The following KMT2C variants were observed in gnomAD, a reference collection of about 807,000 sequenced individuals.
KMT2C encodes histone-lysine N-methyltransferase 2C.
KMT2C carries 88 observed loss-of-function variants against 507.9 expected under a neutral mutation model. That is an observed-to-expected ratio of 0.17 (90% CI 0.15 to 0.21). The LOEUF (loss-of-function observed/expected upper bound fraction) is 0.21, where lower values mean the gene tolerates loss of function less well. KMT2C is among the 10% of genes least tolerant of loss of function. KMT2C has a pLI of 1.00. For synonymous variants in KMT2C, 2,049 were observed against 2,080.8 expected (o/e 0.98, Z 0.42); for missense variants, 4,954 against 5,957.8 (o/e 0.83, Z 5.55).
At chr7:152,227,701 C>G (rs4024406) in intron 18 of KMT2C, among the ~76,000 whole-genome samples, 2 of 152,236 alleles carry the variant, frequency 1.3e-5, no homozygotes, top group African/African-American at 4.8e-5. Context: ...GAAGCAATAA[C>G]GACTAAGAGC....
chr7:152,312,632 T>A (rs1474895562), intron 4 of KMT2C, among the ~76,000 whole-genome samples: 1 of 152,248 alleles, frequency 6.6e-6, no homozygotes, highest in East Asian at 1.9e-4. Flanking sequence ...GAAGATAGTA[T>A]AACAGCAAAA....
At chr7:152,203,844 A>T (rs1488541679) in intron 25 of KMT2C, among the ~76,000 whole-genome samples, 1 of 152,208 alleles carries the variant, frequency 6.6e-6, no homozygotes, top group Non-Finnish European at 1.5e-5. Flanking sequence ...AGGCACCAGT[A>T]ACCTAGCCAG....
At chr7:152,294,090 C>T (rs984912040) in intron 6 of KMT2C, among the ~76,000 whole-genome samples, 7 of 150,226 alleles carry the variant, frequency 4.7e-5, no homozygotes, top group African/African-American at 1.5e-4. Context: ...AGGCTGGTCT[C>T]GAACTTGTAG....
rs1458072384 is a variant in KMT2C at position 152,181,045 on chromosome 7, C to T, written c.6815G>A (p.Cys2272Tyr). The change falls in exon 36 of 59, where the codon TGT becomes TAT. Residue 2272 changes from cysteine (C) to tyrosine (Y), a missense_variant. Cys to Tyr is a radical substitution (Grantham distance 194). Around this residue, in one of 29 missense-constraint regions of KMT2C, gnomAD observed 1,689 missense variants for 1,654.3 expected, o/e 1.02. Transcript: ENST00000262189. ...PGPLVRPPDT[C>Y]SQTPRPPGPG... ...TCCAGGGGGCCTAGGTGTCTGGGAA[C>T]ATGTATCAGGTGGCCTTACCAACGG... 6.2e-7 allele frequency: 1 copy of T among 1,614,030 alleles called. No individual in the cohort carries two copies. The highest frequency in any genetic ancestry group is 1.7e-5 in the Admixed American group (1 of 59,992).
At chr7:152,270,369 G>A (rs924666437) in intron 7 of KMT2C, among the ~76,000 whole-genome samples, 2 of 152,192 alleles carry the variant, frequency 1.3e-5, no homozygotes, top group Non-Finnish European at 2.9e-5. Flanking sequence ...GCTAAATGAT[G>A]AGTAAATACA....
intron 23 of KMT2C, among the ~76,000 whole-genome samples, chr7:152,215,309 T>C (rs10242004): frequency 0.11 from 16,966 of 151,232 alleles, 2,186 homozygotes; most frequent in African/African-American, 0.31. Flanking sequence ...TTCAGGAGAT[T>C]GAGACCAACC....
intron 44 of KMT2C, chr7:152,157,682 C>CA: frequency 2.1e-6 from 2 of 940,528 alleles, no homozygotes; most frequent in South Asian, 4.9e-5. Context: ...AAACTAAATA[C>CA]AAAAATAAGA....
At chr7:152,278,210 T>A (rs1397541242) in intron 6 of KMT2C, among the ~76,000 whole-genome samples, 1 of 152,154 alleles carries the variant, frequency 6.6e-6, no homozygotes, top group Admixed American at 6.5e-5. Flanking sequence ...TCTCCTTTGC[T>A]CCTGTTCTGG....
intron 9 of KMT2C, among the ~76,000 whole-genome samples, chr7:152,255,335 T>G (rs1020564087): frequency 6.6e-6 from 1 of 151,430 alleles, no homozygotes; most frequent in African/African-American, 2.4e-5. Context: ...CCTGGCTAAT[T>G]TTTTTGTATT....
intron 23 of KMT2C, among the ~76,000 whole-genome samples, chr7:152,212,333 G>C (rs1259509887): frequency 6.6e-6 from 1 of 152,088 alleles, no homozygotes; most frequent in East Asian, 1.9e-4. Context: ...CCTACAACAG[G>C]GAAAGACTGA....
chr7:152,164,310 G>C, intron 42 of KMT2C, among the ~76,000 whole-genome samples: 1 of 143,096 alleles, frequency 7.0e-6, no homozygotes, highest in South Asian at 2.2e-4. Context: ...TTTTTTTTGA[G>C]ACGGAGTCTC....
At chr7:152,214,253 G>C (rs1038682746) in intron 23 of KMT2C, among the ~76,000 whole-genome samples, 2 of 151,812 alleles carry the variant, frequency 1.3e-5, no homozygotes, top group Non-Finnish European at 2.9e-5. Context: ...ATCTGAGAGA[G>C]ACATCTGCAC....
intron 1 of KMT2C, among the ~76,000 whole-genome samples, chr7:152,413,029 G>T (rs1044458070): frequency 3.3e-5 from 5 of 152,094 alleles, no homozygotes. Context: ...GTTCATGCTT[G>T]TATACAGATG....
chr7:152,390,685 G>T (rs1341623098), intron 1 of KMT2C, among the ~76,000 whole-genome samples: 1 of 152,092 alleles, frequency 6.6e-6, no homozygotes, highest in Non-Finnish European at 1.5e-5. Flanking sequence ...ACTAAGAAAT[G>T]AAAGTGCTGA....
chr7:152,204,632 T>C (rs2360941), intron 25 of KMT2C, among the ~76,000 whole-genome samples: 2 of 136,170 alleles, frequency 1.5e-5, no homozygotes, highest in African/African-American at 5.4e-5. Context: ...GATAGATAGA[T>C]AGATAGACAG....
intron 23 of KMT2C, among the ~76,000 whole-genome samples, chr7:152,215,513 C>CAAAA (rs35751147): frequency 2.3e-4 from 6 of 25,948 alleles, no homozygotes; most frequent in Admixed American, 5.5e-4. Context: ...GACTCTGTCT[C>CAAAA]AAAAAAAAAA....
chr7:152,274,945 C>CT (rs925500468), intron 6 of KMT2C, among the ~76,000 whole-genome samples: 13 of 152,108 alleles, frequency 8.5e-5, no homozygotes, highest in Non-Finnish European at 1.9e-4. Flanking sequence ...TTTTGGTGAT[C>CT]TTTTTTGTGA....
intron 9 of KMT2C, among the ~76,000 whole-genome samples, chr7:152,254,303 GAGA>G (rs1434668944): frequency 6.6e-6 from 1 of 151,822 alleles, no homozygotes; most frequent in African/African-American, 2.4e-5. Flanking sequence ...TTTATCTAAT[GAGA>G]AGGAGAAAAG....
At chr7:152,182,888 C>T (rs1037762784) in intron 35 of KMT2C, 86 bp downstream of exon 35, 4 of 973,814 alleles carry the variant, frequency 4.1e-6, no homozygotes, top group Non-Finnish European at 6.1e-6. Flanking sequence ...GGTCTAAGAA[C>T]TATATTCTAA....
Sources: gnomAD v4.1 joint callset for allele counts (sites outside exome capture counted in the v4.1 genomes callset) on GRCh38, gnomAD v4.1.1 for gene constraint, gnomAD v4.1.1 regional missense constraint, MANE v1.5 for transcripts, NCBI Gene and HGNC (gene_info 2026-07-23, HGNC 2026-07-21) for gene names.